LRP2: variants seen among roughly 807,000 people sequenced by gnomAD.
The protein encoded by LRP2 is LDL receptor related protein 2.
In LRP2, 172 loss-of-function variants were observed where a neutral mutation model predicts 531.0. The ratio of observed to expected loss-of-function variants is 0.32; its 90% confidence interval spans 0.29 to 0.37. The LOEUF is 0.37. LRP2 is among the 10% of genes least tolerant of loss of function. The pLI is 1.00. For missense variants in LRP2, 5,167 were observed against 5,868.3 expected (o/e 0.88, Z 3.90); for synonymous variants, 1,992 against 2,027.6 (o/e 0.98, Z 0.47).
chr2:169,298,098 A>T (rs1684179436), intron 4 of LRP2, among the ~76,000 whole-genome samples: 2 of 152,030 alleles, frequency 1.3e-5, no homozygotes, highest in Admixed American at 6.6e-5. Context: ...GCTCCAAGAC[A>T]GATTAATCCA....
In LRP2 at chr2:169,236,015, G is replaced by A. The variant is rs183726294; in HGVS notation, c.4745C>T (p.Ala1582Val). ...AGTGCGCATGCTGCCGTCCATGCTGGCTCGCTCGATGCGAGGGTGGTGGCC... is the reference window on the plus strand; with the variant it reads ...AGTGCGCATGCTGCCGTCCATGCTGACTCGCTCGATGCGAGGGTGGTGGCC... ...DWGHHPRIER[A>V]SMDGSMRTVI... Residue 1582 changes from alanine (A) to valine (V), a missense_variant, in exon 29 of 79, where the codon GCC becomes GTC. Physicochemically the swap from Ala to Val is moderately conservative, Grantham distance 64. This residue lies in a region of LRP2 where 2,811 missense variants were observed against 3,058.0 expected (regional missense o/e 0.92). Coordinates refer to ENST00000649046, the MANE Select transcript of LRP2 (RefSeq NM_004525.3). 1.4e-5 allele frequency: 22 copies of A among 1,614,198 alleles called. No homozygotes were observed. In the African/African-American group the frequency reaches 2.5e-4, roughly 19 times the overall value.
Position 169,206,096 on chromosome 2 carries a change from C to T in LRP2, c.7483G>A (p.Glu2495Lys), listed in dbSNP as rs571602186. The change falls in exon 40 of 79, where the codon GAA becomes AAA. Residue 2495 changes from glutamate (E) to lysine (K), a missense_variant. By Grantham distance (56) the Glu-to-Lys change is moderately conservative (BLOSUM62 1). Transcript: ENST00000649046. The part of the protein sequence containing the change: ...YLNQMINSMA[E>K]DGSNRTVIAR... Reference sequence around the variant, plus strand: ...ATCACAGTGCGGTTAGACCCATCTTCAGCCATGGAATTAATCATCTGGTTG... The same window carrying T: ...ATCACAGTGCGGTTAGACCCATCTTTAGCCATGGAATTAATCATCTGGTTG... 6 of 1,614,200 alleles carry T rather than the reference C, an allele frequency of 3.7e-6. No homozygotes were observed. The South Asian group carries it at 4.4e-5, about 12-fold the overall frequency.
intron 8 of LRP2, among the ~76,000 whole-genome samples, chr2:169,290,262 A>AG (rs1183136631): frequency 6.9e-5 from 8 of 116,594 alleles, no homozygotes; most frequent in African/African-American, 2.6e-4. Context: ...AGGAACCAGA[A>AG]GCTTTTTTTT....
At position 169,169,728 on chromosome 2, in the gene LRP2, A is replaced by G. The variant is rs1686924694; in HGVS notation, c.11471T>C (p.Leu3824Ser). 2.5e-6 allele frequency: 4 copies of G among 1,614,158 alleles called. No individual in the cohort carries two copies. The highest frequency in any genetic ancestry group is 3.4e-6 in the Non-Finnish European group (4 of 1,179,976). The change falls in exon 60 of 79, where the codon TTG becomes TCG. Residue 3824 changes from leucine (L) to serine (S), a missense_variant. Physicochemically the swap from Leu to Ser is moderately radical, Grantham distance 145 (BLOSUM62 -2). Transcript: ENST00000649046. ...ACAATCAGCTTCATCAGACGCATCC[A>G]AACAGTCAGCGGATCCATCGCATTT... ...ELKCDGSADC[L>S]DASDEADCPT...
intron 68 of LRP2, among the ~76,000 whole-genome samples, chr2:169,147,468 C>T (rs1685959670): frequency 1.3e-5 from 2 of 152,064 alleles, no homozygotes; most frequent in African/African-American, 4.8e-5. Flanking sequence ...GCATGTGCCA[C>T]CATGCCTGGC....
intron 62 of LRP2, 21 bp downstream of exon 62, chr2:169,165,911 T>C (rs1686763749): frequency 2.5e-6 from 4 of 1,613,766 alleles, no homozygotes; most frequent in Non-Finnish European, 1.7e-6. Flanking sequence ...TTTTTCCTTC[T>C]CCCTTTTGAC....
chr2:169,213,617 A>G (rs1559020602), intron 36 of LRP2, 40 bp downstream of exon 36: 2 of 1,478,466 alleles, frequency 1.4e-6, no homozygotes, highest in African/African-American at 1.4e-5. Flanking sequence ...GTGAATATGC[A>G]TTATACACCC....
chr2:169,356,989 T>C (rs1007677394), intron 1 of LRP2, among the ~76,000 whole-genome samples: 4 of 152,220 alleles, frequency 2.6e-5, no homozygotes, highest in African/African-American at 4.8e-5. Flanking sequence ...CAGCACACTG[T>C]TGATATTTAA....
intron 50 of LRP2, among the ~76,000 whole-genome samples, chr2:169,184,324 T>C (rs907336968): frequency 1.3e-5 from 2 of 152,166 alleles, no homozygotes; most frequent in African/African-American, 4.8e-5. Context: ...TCATTTATTA[T>C]CCAGCAAGCA....
chr2:169,340,701 C>T (rs1172849181), intron 1 of LRP2, among the ~76,000 whole-genome samples: 1 of 152,138 alleles, frequency 6.6e-6, no homozygotes, highest in African/African-American at 2.4e-5. Flanking sequence ...CTAATGGTAT[C>T]ATGGAACCAC....
At chr2:169,338,303 A>G (rs118025571) in intron 1 of LRP2, among the ~76,000 whole-genome samples, 1,089 of 103,554 alleles carry the variant, frequency 0.011, 15 homozygotes, top group African/African-American at 0.039. Context: ...AGGAAGGAAG[A>G]AAGAAAGAAA....
chr2:169,260,956 T>C (rs1368498147), intron 16 of LRP2, among the ~76,000 whole-genome samples: 1 of 151,802 alleles, frequency 6.6e-6, no homozygotes, highest in African/African-American at 2.4e-5. Context: ...ATGGCTGAAG[T>C]ACCAAATACA....
intron 48 of LRP2, among the ~76,000 whole-genome samples, chr2:169,189,637 T>C (rs1235352911): frequency 6.6e-6 from 1 of 151,888 alleles, no homozygotes; most frequent in Non-Finnish European, 1.5e-5. Context: ...AAAAAGAAGG[T>C]CAATAGGAAA....
intron 76 of LRP2, among the ~76,000 whole-genome samples, chr2:169,136,858 C>T (rs1400130923): frequency 6.6e-6 from 1 of 152,180 alleles, no homozygotes; most frequent in African/African-American, 2.4e-5. Context: ...ATTTAGATAT[C>T]TGCCCATCAA....
At chr2:169,227,296 T>C (rs1689235866) in intron 31 of LRP2, among the ~76,000 whole-genome samples, 1 of 152,198 alleles carries the variant, frequency 6.6e-6, no homozygotes, top group Non-Finnish European at 1.5e-5. Flanking sequence ...TATGACTGCA[T>C]TAATGGATGA....
Position 169,191,928 on chromosome 2 carries a change from G to A in LRP2, c.8936C>T (p.Thr2979Ile), listed in dbSNP as rs769476431. 3 of 1,614,124 alleles carry A rather than the reference G, an allele frequency of 1.9e-6. No individual in the cohort carries two copies. The highest frequency in any genetic ancestry group is 1.1e-5 in the South Asian group (1 of 91,078). The change falls in exon 48 of 79, where the codon ACT (threonine) becomes ATT (isoleucine). Residue 2979 changes from threonine to isoleucine, a missense_variant. Around this residue, in one of 6 missense-constraint regions of LRP2, gnomAD observed 1,129 missense variants for 1,362.7 expected, o/e 0.83. Transcript: ENST00000649046. ...SWVCDGDVDCTDGYDENQNCT... is the reference protein window; with the variant it reads ...SWVCDGDVDCIDGYDENQNCT... Reference sequence around the variant, plus strand: ...ATTCTGATTCTCATCGTAGCCGTCAGTACAATCCACATCGCCATCACAGAC... The same window carrying A: ...ATTCTGATTCTCATCGTAGCCGTCAATACAATCCACATCGCCATCACAGAC...
chr2:169,299,308 A>T, intron 4 of LRP2, among the ~76,000 whole-genome samples: 1 of 151,958 alleles, frequency 6.6e-6, no homozygotes, highest in East Asian at 1.9e-4. Flanking sequence ...AGAGAAATAA[A>T]CTAAGTTATC....
Position 169,185,841 on chromosome 2 carries a change from A to G in LRP2, c.9507T>C (p.Asn3169=). ...ACTTACAGATGTAGGAGCCTATTAC[A>G]TTCTCACACTTCTGGCTACAGACAA... ...MPFVCSQKCE[N]VIGSYICKCA... Residue 3169 remains asparagine, a synonymous_variant, in exon 50 of 79, where the codon AAT becomes AAC. Transcript: ENST00000649046. 1.9e-6 allele frequency: 3 copies of G among 1,614,026 alleles called. No homozygotes were observed. Among genetic ancestry groups the G allele is most frequent in the Non-Finnish European group, 2.5e-6 (3 of 1,180,002 alleles).
chr2:169,336,237 C>T (rs1250319195), intron 1 of LRP2, among the ~76,000 whole-genome samples: 2 of 151,772 alleles, frequency 1.3e-5, no homozygotes, highest in Non-Finnish European at 2.9e-5. Context: ...ACATCCAGCC[C>T]CTGCAAACGA....
Sources: allele counts gnomAD v4.1 joint callset (sites outside exome capture counted in the v4.1 genomes callset), GRCh38; gene constraint gnomAD v4.1.1; regional missense constraint gnomAD v4.1.1; transcripts MANE v1.5; gene names NCBI Gene and HGNC (gene_info 2026-07-23, HGNC 2026-07-21).